CPQ: variants seen among roughly 807,000 people sequenced by gnomAD.
The protein encoded by CPQ is carboxypeptidase Q.
In CPQ, 37 loss-of-function variants were observed where a neutral mutation model predicts 45.7. The observed-to-expected ratio is 0.81, with a 90% CI of 0.62 to 1.07. The LOEUF (loss-of-function observed/expected upper bound fraction) is 1.07, where lower values mean the gene tolerates loss of function less well. Among genes scored for constraint, CPQ ranks in the 50% least tolerant of loss-of-function variants. The pLI is 0.00. For missense variants in CPQ, 537 were observed against 572.9 expected, an observed-to-expected ratio of 0.94 and a Z score of 0.64; for synonymous variants, 186 against 205.8, an observed-to-expected ratio of 0.90 and a Z score of 0.82.
Position 96,673,519 on chromosome 8 carries a change from C to T in CPQ, c.-35+28117C>T, listed in dbSNP as rs566706128. Among the ~76,000 whole-genome samples the T allele has an allele frequency of 4.7e-4, 72 of 152,100 alleles. 1 individual carries two copies. Among genetic ancestry groups the T allele is most frequent in the African/African-American group, 1.6e-3 (68 of 41,494 alleles). ...GTACTTTCCATTTTTCATCTGATACCGGAAGGGGTGTGTTGTAAAGGGAGT... is the reference window on the plus strand; with the variant it reads ...GTACTTTCCATTTTTCATCTGATACTGGAAGGGGTGTGTTGTAAAGGGAGT... On this transcript the variant is annotated intron_variant, in intron 1 of 7. Transcript: ENST00000220763.
At chr8:96,935,192 G>C (rs927207716) in intron 4 of CPQ, among the ~76,000 whole-genome samples, 3 of 152,022 alleles carry the variant, frequency 2.0e-5, no homozygotes, top group Non-Finnish European at 2.9e-5. Context: ...TACAAATAGT[G>C]TCCAAAAGGC....
chr8:96,764,869 G>A (rs1210040240), intron 1 of CPQ, among the ~76,000 whole-genome samples: 1 of 152,194 alleles, frequency 6.6e-6, no homozygotes, highest in Non-Finnish European at 1.5e-5. Flanking sequence ...TTTAAAATAT[G>A]TAGAGTTCAG....
chr8:97,129,957 C>T (rs1210902178), intron 7 of CPQ, among the ~76,000 whole-genome samples: 1 of 152,190 alleles, frequency 6.6e-6, no homozygotes, highest in Non-Finnish European at 1.5e-5. Context: ...GCAAGTCCTG[C>T]TGCACTAGTC....
chr8:97,044,467 G>A (rs1810195868), intron 6 of CPQ, among the ~76,000 whole-genome samples: 1 of 152,204 alleles, frequency 6.6e-6, no homozygotes, highest in South Asian at 2.1e-4. Flanking sequence ...ATTGTCTGAA[G>A]CCTTCTTCTC....
At chr8:96,730,833 G>A (rs1809901412) in intron 1 of CPQ, among the ~76,000 whole-genome samples, 1 of 121,594 alleles carries the variant, frequency 8.2e-6, no homozygotes, top group South Asian at 2.9e-4. Context: ...CTAAGTTTGA[G>A]GACCACTGAT....
intron 1 of CPQ, among the ~76,000 whole-genome samples, chr8:96,775,815 T>C (rs1810597734): frequency 6.6e-6 from 1 of 152,162 alleles, no homozygotes; most frequent in Non-Finnish European, 1.5e-5. Flanking sequence ...CAGTAGAATC[T>C]CCATACCATG....
At chr8:97,134,885 A>G (rs1812023683) in intron 7 of CPQ, among the ~76,000 whole-genome samples, 1 of 152,204 alleles carries the variant, frequency 6.6e-6, no homozygotes, top group Non-Finnish European at 1.5e-5. Context: ...AGTACACAGA[A>G]AGCACTCAAC....
intron 5 of CPQ, among the ~76,000 whole-genome samples, chr8:96,987,022 C>T (rs548948885): frequency 6.6e-6 from 1 of 152,088 alleles, no homozygotes; most frequent in East Asian, 1.9e-4. Context: ...TGAATGGGCA[C>T]AGGTAGGAAT....
At chr8:97,088,433 G>A (rs1319841443) in intron 7 of CPQ, among the ~76,000 whole-genome samples, 1 of 152,174 alleles carries the variant, frequency 6.6e-6, no homozygotes, top group African/African-American at 2.4e-5. Flanking sequence ...AGTCCCAAAT[G>A]AGACTTTTCT....
At chr8:96,873,355 G>A (rs972113406) in intron 3 of CPQ, among the ~76,000 whole-genome samples, 2 of 150,348 alleles carry the variant, frequency 1.3e-5, no homozygotes, top group African/African-American at 4.9e-5. Context: ...GAATATTTTA[G>A]TGCTCCCCCT....
chr8:96,952,329 T>C (rs1813280268), intron 4 of CPQ, among the ~76,000 whole-genome samples: 1 of 151,976 alleles, frequency 6.6e-6, no homozygotes, highest in Non-Finnish European at 1.5e-5. Context: ...TGTGGAAAAG[T>C]AGAATGTTGG....
At chr8:96,740,899 A>G (rs1267743691) in intron 1 of CPQ, among the ~76,000 whole-genome samples, 1 of 152,188 alleles carries the variant, frequency 6.6e-6, no homozygotes, top group Non-Finnish European at 1.5e-5. Flanking sequence ...ATCAATGTTC[A>G]TCAAGGATAT....
chr8:97,009,720 T>C (rs928020266), intron 5 of CPQ, among the ~76,000 whole-genome samples: 1 of 152,210 alleles, frequency 6.6e-6, no homozygotes, highest in Non-Finnish European at 1.5e-5. Flanking sequence ...TCAATTAATT[T>C]GTATTCTGTC....
chr8:96,741,995 T>A (rs1810099474), intron 1 of CPQ, among the ~76,000 whole-genome samples: 1 of 145,032 alleles, frequency 6.9e-6, no homozygotes, highest in East Asian at 2.0e-4. Context: ...TTAGGTCCGC[T>A]TGGTGCAGAG....
intron 4 of CPQ, among the ~76,000 whole-genome samples, chr8:96,944,118 G>T (rs1813158475): frequency 6.6e-6 from 1 of 152,094 alleles, no homozygotes; most frequent in Non-Finnish European, 1.5e-5. Flanking sequence ...TCCCTCTTGA[G>T]AATTTTTTCT....
chr8:96,729,113 C>T (rs1427261072), intron 1 of CPQ, among the ~76,000 whole-genome samples: 1 of 152,076 alleles, frequency 6.6e-6, no homozygotes, highest in Admixed American at 6.5e-5. Flanking sequence ...GTTAAATAAC[C>T]AATGGGAACT....
chr8:96,649,186 A>G (rs191691141), intron 1 of CPQ, among the ~76,000 whole-genome samples: 1 of 152,312 alleles, frequency 6.6e-6, no homozygotes, highest in East Asian at 1.9e-4. Flanking sequence ...CATGTGGGCC[A>G]GGTTGATCTC....
chr8:96,989,539 G>A (rs111499853), intron 5 of CPQ, among the ~76,000 whole-genome samples: 2,237 of 151,172 alleles, frequency 0.015, 35 homozygotes, highest in Middle Eastern at 0.024. Flanking sequence ...AGAGGAGAGG[G>A]GCATGTGAGC....
chr8:96,966,442 C>T (rs574935723), intron 5 of CPQ, among the ~76,000 whole-genome samples: 1 of 152,254 alleles, frequency 6.6e-6, no homozygotes, highest in African/African-American at 2.4e-5. Context: ...GTCGTCTTTC[C>T]ATCATAGAAA....
Sources: gnomAD v4.1 joint callset for allele counts (sites outside exome capture counted in the v4.1 genomes callset) on GRCh38, gnomAD v4.1.1 for gene constraint, MANE v1.5 for transcripts, NCBI Gene and HGNC (gene_info 2026-07-23, HGNC 2026-07-21) for gene names.